Variants in RASAL2 observed in about 807,000 individuals in gnomAD.
The protein encoded by RASAL2 is ras GTPase-activating protein nGAP.
RASAL2 carries 58 observed loss-of-function variants against 128.9 expected under a neutral mutation model. The observed-to-expected ratio is 0.45, with a 90% confidence interval of 0.36 to 0.56. RASAL2 has a LOEUF of 0.56. RASAL2 is among the 20% of genes least tolerant of loss of function. The pLI is 0.00. For synonymous variants in RASAL2, 561 were observed against 580.8 expected (o/e 0.97, Z 0.49); for missense variants, 1,360 against 1,601.6 (o/e 0.85, Z 2.57).
At chr1:178,284,490 A>C (rs1666927776) in intron 2 of RASAL2, among the ~76,000 whole-genome samples, 1 of 152,240 alleles carries the variant, frequency 6.6e-6, no homozygotes, top group South Asian at 2.1e-4. Context: ...AGATCTGGCG[A>C]GGTAGACAGA....
At chr1:178,201,862 C>T (rs1020586282) in intron 1 of RASAL2, among the ~76,000 whole-genome samples, 2 of 152,140 alleles carry the variant, frequency 1.3e-5, no homozygotes, top group East Asian at 1.9e-4. Flanking sequence ...AATCATGGCT[C>T]CTCAATTTCC....
chr1:178,453,914 A>G (rs1338666389), intron 11 of RASAL2, among the ~76,000 whole-genome samples: 7 of 152,126 alleles, frequency 4.6e-5, no homozygotes. Context: ...ATGCAGAAAT[A>G]TACATATTTA....
chr1:178,206,241 A>G (rs770606581), intron 1 of RASAL2, among the ~76,000 whole-genome samples: 2 of 152,182 alleles, frequency 1.3e-5, no homozygotes, highest in Non-Finnish European at 2.9e-5. Flanking sequence ...GTTCTTATAC[A>G]AAGATCCCAT....
chr1:178,217,985 C>G (rs1663482356), intron 1 of RASAL2, among the ~76,000 whole-genome samples: 1 of 152,184 alleles, frequency 6.6e-6, no homozygotes, highest in Non-Finnish European at 1.5e-5. Context: ...TAATAAACTT[C>G]TATCTCAAGA....
chr1:178,372,563 C>T (rs896386060), intron 3 of RASAL2, among the ~76,000 whole-genome samples: 1 of 152,122 alleles, frequency 6.6e-6, no homozygotes, highest in African/African-American at 2.4e-5. Context: ...GTGCTAGCTC[C>T]ATTCAAGGCT....
At chr1:178,109,419 A>G (rs768606457) in intron 1 of RASAL2, among the ~76,000 whole-genome samples, 9 of 152,134 alleles carry the variant, frequency 5.9e-5, no homozygotes, top group African/African-American at 9.7e-5. Context: ...TTCTTTTCTA[A>G]AAGCTCAGGA....
intron 2 of RASAL2, among the ~76,000 whole-genome samples, chr1:178,296,957 G>A (rs1667540404): frequency 1.4e-5 from 2 of 147,790 alleles, no homozygotes; most frequent in East Asian, 1.9e-4. Context: ...ACAGACATGA[G>A]CCACCACACC....
intron 1 of RASAL2, among the ~76,000 whole-genome samples, chr1:178,208,128 T>C (rs1571631987): frequency 6.6e-6 from 1 of 152,168 alleles, no homozygotes; most frequent in Non-Finnish European, 1.5e-5. Flanking sequence ...TTGTAAAATG[T>C]GTGTTTGAAC....
chr1:178,229,140 G>A (rs1265855478), intron 1 of RASAL2, among the ~76,000 whole-genome samples: 2 of 152,220 alleles, frequency 1.3e-5, no homozygotes, highest in East Asian at 1.9e-4. Flanking sequence ...TTGAGAATAA[G>A]TTGGAAACAT....
intron 2 of RASAL2, among the ~76,000 whole-genome samples, chr1:178,293,544 T>A (rs988732974): frequency 3.9e-5 from 6 of 152,214 alleles, no homozygotes; most frequent in Admixed American, 2.6e-4. Flanking sequence ...CATAATATAT[T>A]GTTCCATCCC....
At chr1:178,396,342 A>G (rs932717834) in intron 4 of RASAL2, among the ~76,000 whole-genome samples, 5 of 152,112 alleles carry the variant, frequency 3.3e-5, no homozygotes, top group Non-Finnish European at 5.9e-5. Context: ...CTCAAAGCAA[A>G]GATATTTCTC....
chr1:178,305,836 A>C (rs1443146760), intron 3 of RASAL2, among the ~76,000 whole-genome samples: 2 of 152,210 alleles, frequency 1.3e-5, no homozygotes, highest in Non-Finnish European at 2.9e-5. Context: ...TGTATGACAG[A>C]AGAAATGCAA....
At chr1:178,162,441 TAA>T (rs1491319230) in intron 1 of RASAL2, among the ~76,000 whole-genome samples, 174 of 119,758 alleles carry the variant, frequency 1.5e-3, no homozygotes, top group African/African-American at 5.6e-3. Context: ...ATTTTATATA[TAA>T]TATATATAAT....
chr1:178,364,273 A>T (rs1170580781), intron 3 of RASAL2, among the ~76,000 whole-genome samples: 2 of 152,090 alleles, frequency 1.3e-5, no homozygotes, highest in African/African-American at 4.8e-5. Flanking sequence ...CTCACCCAAA[A>T]TATCTAAAAA....
intron 4 of RASAL2, among the ~76,000 whole-genome samples, chr1:178,417,142 G>A (rs112485159): frequency 2.0e-5 from 3 of 151,724 alleles, no homozygotes; most frequent in South Asian, 2.1e-4. Flanking sequence ...TACACGTTAC[G>A]CCTTTCGTAG....
intron 1 of RASAL2, among the ~76,000 whole-genome samples, chr1:178,247,405 T>A (rs774034767): frequency 6.6e-6 from 1 of 152,176 alleles, no homozygotes; most frequent in Non-Finnish European, 1.5e-5. Flanking sequence ...TTTATATTTC[T>A]GTGGGATCAG....
intron 9 of RASAL2, among the ~76,000 whole-genome samples, chr1:178,449,790 A>G (rs1004749426): frequency 1.3e-5 from 2 of 152,164 alleles, no homozygotes; most frequent in African/African-American, 4.8e-5. Context: ...GGTACTATAG[A>G]CAATTAATTT....
intron 8 of RASAL2, 22 bp downstream of exon 8, chr1:178,443,251 C>A: frequency 6.4e-7 from 1 of 1,558,594 alleles, no homozygotes; most frequent in Non-Finnish European, 8.8e-7. Context: ...AGGGGGATTG[C>A]AGTACCTGAA....
chr1:178,452,160 A>G (rs755319469), intron 10 of RASAL2, among the ~76,000 whole-genome samples: 8 of 151,970 alleles, frequency 5.3e-5, no homozygotes, highest in Non-Finnish European at 8.8e-5. Context: ...GCCTCATGCC[A>G]TTTTCCCACT....
Sources: allele counts gnomAD v4.1 joint callset (sites outside exome capture counted in the v4.1 genomes callset), GRCh38; gene constraint gnomAD v4.1.1; transcripts MANE v1.5; gene names NCBI Gene and HGNC (gene_info 2026-07-23, HGNC 2026-07-21).